CAT: variants seen among roughly 807,000 people sequenced by gnomAD.
CAT encodes catalase.
Under a neutral mutation model 59.0 loss-of-function variants are expected in CAT, and 43 were observed. The observed-to-expected ratio is 0.73, with a 90% confidence interval of 0.57 to 0.94. The LOEUF (loss-of-function observed/expected upper bound fraction) is 0.94. Ranked by LOEUF, CAT falls within the 40% of genes least tolerant of loss-of-function variation. The pLI is 0.00. For synonymous variants in CAT, 218 were observed against 230.9 expected (o/e 0.94, Z 0.51); for missense variants, 664 against 682.9 (o/e 0.97, Z 0.31).
At chr11:34,465,260 A>G (rs1020495388) in intron 10 of CAT, among the ~76,000 whole-genome samples, 1 of 152,256 alleles carries the variant, frequency 6.6e-6, no homozygotes, top group African/African-American at 2.4e-5. Context: ...GGTTCCAAGT[A>G]AAAAATACTT....
chr11:34,453,354 A>C (rs894390177), intron 5 of CAT, among the ~76,000 whole-genome samples, 160 bp downstream of exon 5: 5 of 152,214 alleles, frequency 3.3e-5, no homozygotes, highest in Admixed American at 3.3e-4. Flanking sequence ...TTTACTAATC[A>C]TCCCCCATTC....
chr11:34,454,260 C>T (rs142589294), intron 6 of CAT, among the ~76,000 whole-genome samples: 1 of 152,280 alleles, frequency 6.6e-6, no homozygotes, highest in Non-Finnish European at 1.5e-5. Context: ...TTACAAATGT[C>T]AGAAAACAAA....
In CAT at chr11:34,468,333, C is replaced by A; in HGVS notation, c.1372C>A (p.Arg458Ser). The A allele has an allele frequency of 6.2e-7, 1 of 1,614,070 alleles. No homozygotes were observed. Among genetic ancestry groups the A allele is most frequent in the South Asian group, 1.1e-5 (1 of 91,080 alleles). Residue 458 changes from arginine (R) to serine (S), a missense_variant, in exon 11 of 13, where the codon CGT becomes AGT. Physicochemically the swap from Arg to Ser is moderately radical, Grantham distance 110. Transcript: ENST00000241052. The stretch of plus-strand genomic sequence containing the variant: ...CGTGCTGAATGAGGAACAGAGGAAA[C>A]GTCTGTGTGAGAACATTGCCGGCCA... The part of the protein sequence containing the change: ...VNVLNEEQRK[R>S]LCENIAGHLK...
At chr11:34,469,700 C>G (rs1277424973) in intron 11 of CAT, among the ~76,000 whole-genome samples, 3 of 150,990 alleles carry the variant, frequency 2.0e-5, no homozygotes, top group Admixed American at 6.6e-5. Flanking sequence ...GAGTCTTGTT[C>G]TGTCACCCAG....
rs750922379 is a variant in CAT, at chr11:34,461,345, C to T, written c.1151C>T (p.Ala384Val). 4 of 1,614,178 alleles carry T rather than the reference C, an allele frequency of 2.5e-6. No homozygotes were observed. The highest frequency in any genetic ancestry group is 1.7e-5 in the Admixed American group (1 of 60,028). Reference sequence around the variant, plus strand: ...AACTGTCCCTACCGTGCTCGAGTGGCCAACTACCAGCGTGACGGCCCGATG... The same window carrying T: ...AACTGTCCCTACCGTGCTCGAGTGGTCAACTACCAGCGTGACGGCCCGATG... The part of the protein sequence containing the change: ...PVNCPYRARV[A>V]NYQRDGPMCM... Residue 384 changes from alanine to valine, a missense_variant, in exon 9 of 13, where the codon GCC (alanine) becomes GTC (valine). Physicochemically the swap from Ala to Val is moderately conservative, Grantham distance 64. Coordinates refer to ENST00000241052, the MANE Select transcript of CAT (RefSeq NM_001752.4).
chr11:34,451,324 A>G (rs1856521626), intron 3 of CAT, among the ~76,000 whole-genome samples: 1 of 152,240 alleles, frequency 6.6e-6, no homozygotes, highest in South Asian at 2.1e-4. Context: ...TACCTCTGCA[A>G]TTCTGTGACA....
chr11:34,461,760 A>G (rs1344867656), intron 9 of CAT, among the ~76,000 whole-genome samples: 2 of 152,196 alleles, frequency 1.3e-5, no homozygotes, highest in Non-Finnish European at 2.9e-5. Flanking sequence ...CTCACTGTGA[A>G]ATCACCAAGA....
At chr11:34,471,229 T>C in intron 12 of CAT, 139 bp from the exon 13 acceptor site, 1 of 873,906 alleles carries the variant, frequency 1.1e-6, no homozygotes, top group Admixed American at 1.9e-5. Flanking sequence ...CTCTTCATTT[T>C]AGCGCTGGGC....
intron 10 of CAT, among the ~76,000 whole-genome samples, chr11:34,465,865 T>G (rs1856709288): frequency 6.6e-6 from 1 of 152,178 alleles, no homozygotes; most frequent in Non-Finnish European, 1.5e-5. Context: ...TTTGGAGAGC[T>G]AACAAAGCAA....
chr11:34,451,007 G>A lies in CAT; in HGVS notation c.258G>A (p.Glu86=), dbSNP rs1453853451. ...CGTTAGGGGCCTTTGGCTACTTTGA[G>A]GTCACACATGACATTACCAAATACT... ...AKGAGAFGYF[E]VTHDITKYSK... Residue 86 remains glutamate, a synonymous_variant, in exon 3 of 13, where the codon GAG becomes GAA. Coordinates refer to ENST00000241052, the MANE Select transcript of CAT (RefSeq NM_001752.4). 1 of 1,612,282 alleles carries A rather than the reference G, an allele frequency of 6.2e-7. No homozygotes were observed. Among genetic ancestry groups the A allele is most frequent in the Non-Finnish European group, 8.5e-7 (1 of 1,178,458 alleles).
At chr11:34,442,893 C>T (rs963312904) in intron 1 of CAT, among the ~76,000 whole-genome samples, 13 of 152,274 alleles carry the variant, frequency 8.5e-5, no homozygotes, top group African/African-American at 2.9e-4. Context: ...TAGTCTACCC[C>T]CTGTCCAGGA....
chr11:34,451,370 A>G (rs1478615327), intron 3 of CAT, among the ~76,000 whole-genome samples: 1 of 152,230 alleles, frequency 6.6e-6, no homozygotes, highest in East Asian at 1.9e-4. Flanking sequence ...GTTGCCTCTA[A>G]CAGAAGAATA....
chr11:34,441,346 A>G (rs1270340385), intron 1 of CAT, among the ~76,000 whole-genome samples: 1 of 152,194 alleles, frequency 6.6e-6, no homozygotes, highest in Non-Finnish European at 1.5e-5. Context: ...ACGTTACTCC[A>G]TCTGTCTGTC....
rs772076776 is a variant in CAT at position 34,453,130 on chromosome 11, C to T, written c.521C>T (p.Thr174Ile). The change falls in exon 5 of 13, where the codon ACA becomes ATA. Residue 174 changes from threonine (T) to isoleucine (I), a missense_variant. Thr to Ile is a moderately conservative substitution (Grantham distance 89). Coordinates refer to ENST00000241052, the MANE Select transcript of CAT (RefSeq NM_001752.4). ...CACAGCCAAAAGAGAAATCCTCAGA[C>T]ACATCTGAAGGATCCGGACATGGTC... ...FIHSQKRNPQTHLKDPDMVWD... is the reference protein window; with the variant it reads ...FIHSQKRNPQIHLKDPDMVWD... The T allele has an allele frequency of 6.2e-7, 1 of 1,613,264 alleles. No homozygotes were observed.
intron 1 of CAT, among the ~76,000 whole-genome samples, chr11:34,442,940 A>G (rs910321466): frequency 6.6e-6 from 1 of 152,194 alleles, no homozygotes; most frequent in Non-Finnish European, 1.5e-5. Context: ...CGTACATTTC[A>G]TATTTGGTGA....
intron 4 of CAT, among the ~76,000 whole-genome samples, chr11:34,452,459 G>A (rs1329220279): frequency 5.9e-5 from 9 of 152,020 alleles, no homozygotes; most frequent in Non-Finnish European, 1.0e-4. Flanking sequence ...GCAGAGCATC[G>A]AAGATTAGTA....
chr11:34,466,780 C>CAAAAAAAAAAA (rs71457350), intron 10 of CAT, among the ~76,000 whole-genome samples: 22 of 41,108 alleles, frequency 5.4e-4, no homozygotes, highest in Non-Finnish European at 6.3e-4. Context: ...GACTCCGTCT[C>CAAAAAAAAAAA]AAAAAAAAAA....
intron 10 of CAT, among the ~76,000 whole-genome samples, chr11:34,467,572 G>A (rs376362704): frequency 6.6e-6 from 1 of 152,078 alleles, no homozygotes; most frequent in Non-Finnish European, 1.5e-5. Context: ...ACAGAGTCTC[G>A]CACATTATAG....
Position 34,471,382 on chromosome 11 carries a change from C to G in CAT, c.1533C>G (p.Thr511=), listed in dbSNP as rs748932000. 21 of 1,613,928 alleles carry G rather than the reference C, an allele frequency of 1.3e-5. No homozygotes were observed. Among genetic ancestry groups the G allele is most frequent in the Non-Finnish European group, 1.7e-5 (20 of 1,179,836 alleles). ...TTTTAAAACAGAATGCGATTCACAC[C>G]TTTGTGCAGTCCGGATCTCACTTGG... The part of the protein sequence containing the change: ...NAEKPKNAIH[T]FVQSGSHLAA... Residue 511 remains threonine, a synonymous_variant, in exon 13 of 13, where the codon ACC becomes ACG. Transcript: ENST00000241052.
Sources: gnomAD v4.1 joint callset for allele counts (sites outside exome capture counted in the v4.1 genomes callset) on GRCh38, gnomAD v4.1.1 for gene constraint, MANE v1.5 for transcripts, NCBI Gene and HGNC (gene_info 2026-07-23, HGNC 2026-07-21) for gene names.